MAPK14: variants seen among roughly 807,000 people sequenced by gnomAD.
MAPK14 encodes CSAID-binding protein.
Under a neutral mutation model 49.6 loss-of-function variants are expected in MAPK14, and 16 were observed. That is an observed-to-expected ratio of 0.32 (90% CI 0.22 to 0.49). The LOEUF (loss-of-function observed/expected upper bound fraction) is 0.49. Among genes scored for constraint, MAPK14 ranks in the 20% least tolerant of loss-of-function variants. MAPK14 has a pLI of 0.99. For missense variants in MAPK14, 200 were observed against 441.2 expected, an observed-to-expected ratio of 0.45 and a Z score of 4.90; for synonymous variants, 142 against 158.0, an observed-to-expected ratio of 0.90 and a Z score of 0.76.
At chr6:36,108,353 A>C (rs1562157534) in intron 11 of MAPK14, 27 bp from the exon 12 acceptor site, 5 of 1,575,814 alleles carry the variant, frequency 3.2e-6, no homozygotes, top group Middle Eastern at 1.7e-4. Context: ...AAACTCTCAC[A>C]TCTTACTTTT....
the MAPK14 span, among the ~76,000 whole-genome samples, chr6:36,117,531 T>C: frequency 6.6e-6 from 1 of 152,194 alleles, no homozygotes; most frequent in African/African-American, 2.4e-5. Context: ...CCCTGTAATC[T>C]GGAATGATCA....
intron 3 of MAPK14, among the ~76,000 whole-genome samples, chr6:36,069,799 A>C (rs1764200096): frequency 6.6e-6 from 1 of 152,184 alleles, no homozygotes; most frequent in Non-Finnish European, 1.5e-5. Flanking sequence ...TACACATAAT[A>C]GCTGTACTTG....
intron 1 of MAPK14, among the ~76,000 whole-genome samples, chr6:36,037,597 C>CTCAT (rs1189386891): frequency 6.6e-6 from 1 of 152,064 alleles, no homozygotes; most frequent in Non-Finnish European, 1.5e-5. Context: ...GAGGACAGGA[C>CTCAT]TCATTATACC....
chr6:36,037,507 A>C (rs114189274), intron 1 of MAPK14, among the ~76,000 whole-genome samples: 1,748 of 152,264 alleles, frequency 0.011, 19 homozygotes, highest in Non-Finnish European at 0.017. Context: ...ACTTTGTGTT[A>C]CAAAGTTACA....
At position 36,046,867 on chromosome 6, in the gene MAPK14, TAATC is replaced by T. The variant is rs1477375689; in HGVS notation, c.117-5830_117-5827del. Among the ~76,000 whole-genome samples, 17 of 152,368 alleles carry T rather than the reference TAATC, an allele frequency of 1.1e-4. No homozygotes were observed. The East Asian group carries it at 3.3e-3, about 29-fold the overall frequency. ...CCCCAGTTAATTGAACTTGCACACT[TAATC>T]AGTCAGATCAGCTAGAAAACTGCTG... On this transcript the variant is annotated intron_variant, in intron 1 of 11. Transcript: ENST00000229794.
intron 8 of MAPK14, among the ~76,000 whole-genome samples, chr6:36,079,232 C>T (rs1764648422): frequency 6.6e-6 from 1 of 152,226 alleles, no homozygotes; most frequent in Admixed American, 6.5e-5. Flanking sequence ...CTACCTGTCA[C>T]ATAGGCCACA....
the MAPK14 span, among the ~76,000 whole-genome samples, chr6:36,117,380 T>C: frequency 6.6e-6 from 1 of 152,362 alleles, no homozygotes; most frequent in South Asian, 2.1e-4. Context: ...TTGTGCGTGA[T>C]AGTCCCTCTC....
At chr6:36,059,753 A>G (rs978299664) in intron 3 of MAPK14, among the ~76,000 whole-genome samples, 2 of 152,110 alleles carry the variant, frequency 1.3e-5, no homozygotes, top group Non-Finnish European at 2.9e-5. Flanking sequence ...CCTGGGCTGT[A>G]GTGATCCTCC....
chr6:36,081,955 C>G (rs1417137288), intron 8 of MAPK14, among the ~76,000 whole-genome samples: 1 of 151,058 alleles, frequency 6.6e-6, no homozygotes, highest in Non-Finnish European at 1.5e-5. Flanking sequence ...AAGTATTTTA[C>G]CTTGGTTAAA....
intron 11 of MAPK14, among the ~76,000 whole-genome samples, 192 bp from the exon 12 acceptor site, chr6:36,108,188 G>A (rs574091451): frequency 6.6e-6 from 1 of 152,288 alleles, no homozygotes; most frequent in East Asian, 1.9e-4. Context: ...AAAAAAAATG[G>A]TTCTTTTCTA....
chr6:36,122,199 T>C, the MAPK14 span, among the ~76,000 whole-genome samples: 1 of 152,152 alleles, frequency 6.6e-6, no homozygotes, highest in African/African-American at 2.4e-5. Context: ...TGTCCTGACA[T>C]TGGATAGTTT....
downstream of MAPK14, among the ~76,000 whole-genome samples, chr6:36,115,813 A>C (rs1766050497): frequency 6.6e-6 from 1 of 151,694 alleles, no homozygotes; most frequent in African/African-American, 2.4e-5. Flanking sequence ...CCTGGGTCCC[A>C]GCTACTCAGG....
At chr6:36,105,792 C>A (rs1293398083) in intron 10 of MAPK14, among the ~76,000 whole-genome samples, 1 of 152,172 alleles carries the variant, frequency 6.6e-6, no homozygotes, top group Non-Finnish European at 1.5e-5. Flanking sequence ...TCACTACTCA[C>A]CCCCACACCC....
chr6:36,039,885 A>G (rs897420038), intron 1 of MAPK14, among the ~76,000 whole-genome samples: 1 of 151,584 alleles, frequency 6.6e-6, no homozygotes, highest in African/African-American at 2.4e-5. Flanking sequence ...AATCCCAGCT[A>G]TTCAGGAGGC....
intron 1 of MAPK14, among the ~76,000 whole-genome samples, chr6:36,049,019 A>G (rs908166278): frequency 2.9e-4 from 44 of 152,338 alleles, no homozygotes; most frequent in Non-Finnish European, 1.5e-5. Context: ...TGGAGCTGCC[A>G]GAGGGGTCAT....
intron 1 of MAPK14, among the ~76,000 whole-genome samples, chr6:36,050,874 A>C (rs1011968968): frequency 6.6e-6 from 1 of 152,142 alleles, no homozygotes; most frequent in Non-Finnish European, 1.5e-5. Context: ...GGAGGTTCAG[A>C]AAAGAGGTTG....
chr6:36,099,020 A>C (rs1765543080), intron 9 of MAPK14, among the ~76,000 whole-genome samples: 1 of 152,196 alleles, frequency 6.6e-6, no homozygotes, highest in Non-Finnish European at 1.5e-5. Context: ...CGTGGAGCAC[A>C]TGGCTCTAGC....
chr6:36,057,204 T>C (rs1763621911), intron 2 of MAPK14, among the ~76,000 whole-genome samples: 1 of 152,208 alleles, frequency 6.6e-6, no homozygotes, highest in South Asian at 2.1e-4. Context: ...TGTCTAGAGA[T>C]AGGAAATTGG....
intron 1 of MAPK14, among the ~76,000 whole-genome samples, chr6:36,033,419 C>A (rs1762620198): frequency 6.6e-6 from 1 of 151,844 alleles, no homozygotes. Context: ...CGAGTTCAAG[C>A]AATTCTCCTG....
Sources: gnomAD v4.1 joint callset for allele counts (sites outside exome capture counted in the v4.1 genomes callset) on GRCh38, gnomAD v4.1.1 for gene constraint, MANE v1.5 for transcripts, NCBI Gene and HGNC (gene_info 2026-07-23, HGNC 2026-07-21) for gene names.